The following NUDT3 variants were observed in gnomAD, a reference collection of about 807,000 sequenced individuals.
NUDT3 encodes nudix hydrolase 3.
NUDT3 carries 9 observed loss-of-function variants against 23.6 expected under a neutral mutation model. The observed-to-expected ratio is 0.38, with a 90% CI of 0.23 to 0.66. The LOEUF is 0.66. Ranked by LOEUF, NUDT3 falls within the 30% of genes least tolerant of loss-of-function variation. NUDT3 has a pLI of 0.52. For synonymous variants in NUDT3, 86 were observed against 82.6 expected (o/e 1.04, Z -0.22); for missense variants, 172 against 218.5 (o/e 0.79, Z 1.34).
chr6:34,296,209 C>A (rs1338465261), intron 2 of NUDT3, among the ~76,000 whole-genome samples: 1 of 152,162 alleles, frequency 6.6e-6, no homozygotes, highest in Non-Finnish European at 1.5e-5. Context: ...TTCAAGGTTG[C>A]AATGAGCTAT....
intron 4 of NUDT3, among the ~76,000 whole-genome samples, chr6:34,292,227 A>G (rs1252015854): frequency 6.6e-6 from 1 of 152,202 alleles, no homozygotes; most frequent in Non-Finnish European, 1.5e-5. Context: ...AGCACCCTGC[A>G]TTATTACTAG....
intron 2 of NUDT3, among the ~76,000 whole-genome samples, chr6:34,304,332 T>G (rs1673058091): frequency 6.7e-6 from 1 of 149,972 alleles, no homozygotes; most frequent in Non-Finnish European, 1.5e-5. Flanking sequence ...TTTGGGAGGC[T>G]AAGGTGGAAA....
At chr6:34,299,105 A>C (rs1276740970) in intron 2 of NUDT3, among the ~76,000 whole-genome samples, 1 of 152,214 alleles carries the variant, frequency 6.6e-6, no homozygotes, top group African/African-American at 2.4e-5. Flanking sequence ...AAGCAATCTG[A>C]GAGTGGGTTA....
intron 1 of NUDT3, among the ~76,000 whole-genome samples, chr6:34,368,097 A>T (rs928120312): frequency 6.6e-6 from 1 of 152,194 alleles, no homozygotes; most frequent in African/African-American, 2.4e-5. Context: ...GCTACTCGGG[A>T]GGCTGAGGCA....
At chr6:34,355,575 GA>G (rs1365447877) in intron 1 of NUDT3, among the ~76,000 whole-genome samples, 4 of 150,950 alleles carry the variant, frequency 2.6e-5, no homozygotes, top group Non-Finnish European at 4.4e-5. Flanking sequence ...AAAAAATAAA[GA>G]AATTATACTT....
chr6:34,316,379 A>G (rs1763857974), intron 2 of NUDT3, among the ~76,000 whole-genome samples: 2 of 152,218 alleles, frequency 1.3e-5, no homozygotes, highest in Non-Finnish European at 2.9e-5. Context: ...CTTTAGTGGC[A>G]TTAGAGAGTC....
intron 1 of NUDT3, among the ~76,000 whole-genome samples, chr6:34,363,311 T>C (rs1764677199): frequency 6.6e-6 from 1 of 152,172 alleles, no homozygotes; most frequent in South Asian, 2.1e-4. Flanking sequence ...CTGGGTTCCT[T>C]TGCAAGTTAA....
At chr6:34,372,707 G>A (rs1764851582) in intron 1 of NUDT3, among the ~76,000 whole-genome samples, 1 of 152,194 alleles carries the variant, frequency 6.6e-6, no homozygotes, top group African/African-American at 2.4e-5. Context: ...GGGAGGCTGA[G>A]GCAGGAGAAT....
chr6:34,312,505 G>A (rs1763789520), intron 2 of NUDT3, among the ~76,000 whole-genome samples: 1 of 152,028 alleles, frequency 6.6e-6, no homozygotes, highest in South Asian at 2.1e-4. Flanking sequence ...TGGAAAGAAT[G>A]CAAAATGATA....
At chr6:34,367,430 C>T (rs562463787) in intron 1 of NUDT3, among the ~76,000 whole-genome samples, 22 of 150,546 alleles carry the variant, frequency 1.5e-4, no homozygotes, top group African/African-American at 4.7e-4. Context: ...TGCAGCGAGC[C>T]GAGATCGCAC....
rs111474738 is a variant in NUDT3, at chr6:34,322,471, C to T, written c.210+19391G>A. Among the ~76,000 whole-genome samples, 262 of 152,226 alleles carry T rather than the reference C, an allele frequency of 1.7e-3. 2 individuals carry two copies. Among genetic ancestry groups the T allele is most frequent in the Admixed American group, 3.2e-3 (49 of 15,284 alleles). ...GTCTTGATCTCCTGACCTTGTGATCCGCCCACCTTGGCCTCCCAAAGTACT... is the reference window on the plus strand; with the variant it reads ...GTCTTGATCTCCTGACCTTGTGATCTGCCCACCTTGGCCTCCCAAAGTACT... On this transcript the variant is annotated intron_variant, in intron 2 of 4. Transcript: ENST00000607016.
In NUDT3 at chr6:34,392,315, G is replaced by A. The variant is rs755494834; in HGVS notation, c.48C>T (p.Gly16=). ...SNQTRTYDGD[G]YKKRAACLCF... ...ACAGGCATGCGGCCCGCTTCTTGTA[G>A]CCGTCGCCGTCGTAGGTGCGGGTCT... Residue 16 remains glycine, a synonymous_variant, in exon 1 of 5, where the codon GGC becomes GGT. Transcript: ENST00000607016. 7.5e-6 allele frequency: 12 copies of A among 1,606,282 alleles called. No individual in the cohort carries two copies. The East Asian group carries it at 2.3e-4, about 30-fold the overall frequency.
At chr6:34,314,502 T>C (rs1048496140) in intron 2 of NUDT3, among the ~76,000 whole-genome samples, 1 of 147,480 alleles carries the variant, frequency 6.8e-6, no homozygotes, top group Admixed American at 6.9e-5. Context: ...GGTGCTGCAG[T>C]GAACCAAGAT....
At chr6:34,301,156 T>C (rs1317136311) in intron 2 of NUDT3, among the ~76,000 whole-genome samples, 1 of 152,214 alleles carries the variant, frequency 6.6e-6, no homozygotes, top group African/African-American at 2.4e-5. Context: ...GTCAGTTTAC[T>C]TGTAGATCTA....
At chr6:34,335,975 T>C (rs918200137) in intron 2 of NUDT3, among the ~76,000 whole-genome samples, 1 of 152,120 alleles carries the variant, frequency 6.6e-6, no homozygotes. Context: ...ATGTATACAA[T>C]ATATAATGAT....
intron 1 of NUDT3, among the ~76,000 whole-genome samples, chr6:34,372,120 T>C (rs985956012): frequency 6.6e-5 from 10 of 152,178 alleles, no homozygotes; most frequent in African/African-American, 2.2e-4. Flanking sequence ...CTATGTGCCA[T>C]ATTTTCTTAA....
At chr6:34,363,797 T>C (rs904188325) in intron 1 of NUDT3, among the ~76,000 whole-genome samples, 2 of 151,230 alleles carry the variant, frequency 1.3e-5, no homozygotes, top group African/African-American at 4.9e-5. Context: ...TTTTTTGAGA[T>C]AGTCTCGCTC....
At chr6:34,328,104 T>C (rs1764069616) in intron 2 of NUDT3, among the ~76,000 whole-genome samples, 1 of 152,244 alleles carries the variant, frequency 6.6e-6, no homozygotes, top group Non-Finnish European at 1.5e-5. Flanking sequence ...ACTACTTTCT[T>C]TATTATACTG....
chr6:34,310,524 GTC>G (rs1169923056), intron 2 of NUDT3, among the ~76,000 whole-genome samples: 1 of 152,084 alleles, frequency 6.6e-6, no homozygotes, highest in African/African-American at 2.4e-5. Context: ...GTGAGACTCT[GTC>G]TCAAATAACA....
Sources: gnomAD v4.1 joint callset for allele counts (sites outside exome capture counted in the v4.1 genomes callset) on GRCh38, gnomAD v4.1.1 for gene constraint, MANE v1.5 for transcripts, NCBI Gene and HGNC (gene_info 2026-07-23, HGNC 2026-07-21) for gene names.